The following ZC3H12D variants were observed in gnomAD, a reference collection of about 807,000 sequenced individuals.
ZC3H12D encodes probable ribonuclease ZC3H12D.
ZC3H12D carries 11 observed loss-of-function variants against 24.2 expected under a neutral mutation model. The ratio of observed to expected loss-of-function variants is 0.46; its 90% CI spans 0.29 to 0.75. The LOEUF (loss-of-function observed/expected upper bound fraction) is 0.75. ZC3H12D is among the 30% of genes least tolerant of loss of function. The probability of loss-of-function intolerance (pLI) is 0.11; values close to 1 mark genes in which losing one functional copy is unlikely to be tolerated. For missense variants in ZC3H12D, 740 were observed against 767.7 expected (o/e 0.96, Z 0.43); for synonymous variants, 333 against 341.8 (o/e 0.97, Z 0.28).
intron 1 of ZC3H12D, among the ~76,000 whole-genome samples, chr6:149,476,505 CA>C (rs11316803): frequency 0.45 from 67,117 of 148,932 alleles, 16,277 homozygotes; most frequent in African/African-American, 0.64. Flanking sequence ...CTCCATCTCT[CA>C]AAAAAAAAAA....
chr6:149,480,180 C>T (rs531620320), intron 1 of ZC3H12D, among the ~76,000 whole-genome samples: 5 of 152,332 alleles, frequency 3.3e-5, no homozygotes, highest in African/African-American at 7.2e-5. Flanking sequence ...AATGTCAACT[C>T]ATTCACAATC....
chr6:149,452,181 G>T lies in ZC3H12D; in HGVS notation c.787+435C>A, dbSNP rs1301734808. ...AGTCAGTGAAAGAGCTGGCTAGAAG[G>T]CTGGCATCCCCCAGGGTGCTGGGAT... is the stretch of plus-strand genomic sequence containing the variant. On this transcript the variant is annotated intron_variant, in intron 5 of 5. Transcript: ENST00000409806. The surrounding 1 kb of genome is among the most constrained non-coding windows in gnomAD (Gnocchi z 4.0). 1.8e-5 allele frequency: 3 copies of T among 163,738 alleles called. No homozygotes were observed. Among genetic ancestry groups the T allele is most frequent in the African/African-American group, 7.1e-5 (3 of 41,986 alleles). The allele number at this position is 163,738 out of a possible 1,614,324, so 10.1% of individuals were successfully genotyped here.
Position 149,447,376 on chromosome 6 carries a change from C to T in ZC3H12D, c.*3307G>A, listed in dbSNP as rs1315273156. 1.3e-5 allele frequency: 2 copies of T among 152,342 alleles called. No individual in the cohort carries two copies. The highest frequency in any genetic ancestry group is 6.5e-5 in the Admixed American group (1 of 15,288). 9.4% of individuals were successfully genotyped at this position (152,342 alleles called of 1,614,324 possible). On this transcript the variant is annotated 3_prime_UTR_variant, in exon 6 of 6. Coordinates refer to ENST00000409806, the MANE Select transcript of ZC3H12D (RefSeq NM_207360.3). ...AGGTGATTCTCCTGCCTCAGCCTCC[C>T]GAGCAACTGGGATTACAGGTGTGCC...
At position 149,451,294 on chromosome 6, in the gene ZC3H12D, G is replaced by A. The variant is rs1775890038; in HGVS notation, c.973C>T (p.Pro325Ser). 7.5e-7 allele frequency: 1 copy of A among 1,325,872 alleles called. No individual in the cohort carries two copies. The highest frequency in any genetic ancestry group is 4.2e-5 in the Admixed American group (1 of 23,966). 82.1% of individuals were successfully genotyped at this position (1,325,872 alleles called of 1,614,324 possible). A position where few individuals can be genotyped will look rare whatever the true frequency, so the allele number is the denominator to read the frequency against. ...SAGARAAPRE[P>S]FAHSLPPARG... ...GCCGGCGGGAGGCTGTGCGCAAATGGTTCCCGGGGGGCCGCCCGGGCTCCT... is the reference window on the plus strand; with the variant it reads ...GCCGGCGGGAGGCTGTGCGCAAATGATTCCCGGGGGGCCGCCCGGGCTCCT... Residue 325 changes from proline to serine, a missense_variant, in exon 6 of 6, where the codon CCA becomes TCA. Transcript: ENST00000409806.
intron 4 of ZC3H12D, among the ~76,000 whole-genome samples, chr6:149,455,476 G>C (rs1030197132): frequency 6.6e-6 from 1 of 152,206 alleles, no homozygotes; most frequent in Non-Finnish European, 1.5e-5. Context: ...AAATGGAAAT[G>C]GGAGCAACAG....
chr6:149,477,951 G>T (rs981714621), intron 1 of ZC3H12D, among the ~76,000 whole-genome samples: 1 of 151,850 alleles, frequency 6.6e-6, no homozygotes, highest in Non-Finnish European at 1.5e-5. Context: ...GGCGGATCAC[G>T]AGGTCAGGAG....
At chr6:149,462,210 C>T (rs1281117023) in intron 2 of ZC3H12D, among the ~76,000 whole-genome samples, 1 of 152,020 alleles carries the variant, frequency 6.6e-6, no homozygotes, top group Admixed American at 6.6e-5. Flanking sequence ...CCCATCTCTA[C>T]GAAAAATACA....
chr6:149,465,861 C>A (rs474035), intron 2 of ZC3H12D, among the ~76,000 whole-genome samples: 2,578 of 152,076 alleles, frequency 0.017, 30 homozygotes, highest in Non-Finnish European at 0.027. Context: ...CCTCACCCCA[C>A]CCCCCAATTC....
At position 149,456,888 on chromosome 6, in the gene ZC3H12D, A is replaced by G; in HGVS notation, c.458T>C (p.Leu153Pro). The G allele has an allele frequency of 6.2e-7, 1 of 1,602,062 alleles. No individual in the cohort carries two copies. Among genetic ancestry groups the G allele is most frequent in the Non-Finnish European group, 8.5e-7 (1 of 1,178,452 alleles). The change falls in exon 4 of 6, where the codon CTG becomes CCG. Residue 153 changes from leucine (L) to proline (P), a missense_variant. Coordinates refer to ENST00000409806, the MANE Select transcript of ZC3H12D (RefSeq NM_207360.3). This position sits in a 1 kb window ranked among gnomAD's most constrained non-coding sequence, Gnocchi z 4.3. ...ADTPIREQHVLAELERQAVLV... is the reference protein window; with the variant it reads ...ADTPIREQHVPAELERQAVLV... ...CACCGCCTGCCGCTCCAGCTCCGCCAGCACGTGCTGCTCTGAGGGCGGGGC... is the reference window on the plus strand; with the variant it reads ...CACCGCCTGCCGCTCCAGCTCCGCCGGCACGTGCTGCTCTGAGGGCGGGGC...
At chr6:149,477,505 A>G (rs1413364827) in intron 1 of ZC3H12D, among the ~76,000 whole-genome samples, 1 of 152,218 alleles carries the variant, frequency 6.6e-6, no homozygotes, top group Non-Finnish European at 1.5e-5. Flanking sequence ...ATTTTAAATT[A>G]AAAAATTGTG....
rs943622504 is a variant in ZC3H12D, at chr6:149,484,889, G to A, written c.-147C>T. ...GCAGCCTTCACGCCAATGTTCTCCC[G>A]TCAGTGAGGCCAGGCCCCCAGGTGC... On this transcript the variant is annotated 5_prime_UTR_variant, in exon 1 of 6. In the 5' UTR this introduces an upstream ATG that the reference lacks. Coordinates refer to ENST00000409806, the MANE Select transcript of ZC3H12D (RefSeq NM_207360.3). 2.6e-5 allele frequency: 4 copies of A among 152,258 alleles called. No homozygotes were observed. The highest frequency in any genetic ancestry group is 7.2e-5 in the African/African-American group (3 of 41,440). 9.4% of individuals were successfully genotyped at this position (152,258 alleles called of 1,614,324 possible).
At position 149,451,467 on chromosome 6, in the gene ZC3H12D, G is replaced by C; in HGVS notation, c.800C>G (p.Thr267Ser). 2.5e-6 allele frequency: 4 copies of C among 1,573,282 alleles called. No homozygotes were observed. Among genetic ancestry groups the C allele is most frequent in the Non-Finnish European group, 3.4e-6 (4 of 1,169,420 alleles). ...WQHCPYGKKC[T>S]YGIKCKFYHP... ...GTAGAACTTGCACTTGATGCCATAG[G>C]TGCATTTCTTGCCTGAAAGGGGCGG... is the stretch of plus-strand genomic sequence containing the variant. Residue 267 changes from threonine to serine, a missense_variant, in exon 6 of 6, where the codon ACC (threonine) becomes AGC (serine). Thr to Ser is a moderately conservative substitution (Grantham distance 58, BLOSUM62 1). Transcript: ENST00000409806.
intron 1 of ZC3H12D, among the ~76,000 whole-genome samples, chr6:149,479,199 A>C (rs911147881): frequency 6.6e-6 from 1 of 152,152 alleles, no homozygotes; most frequent in African/African-American, 2.4e-5. Context: ...ATCTCTACAA[A>C]AAATGTTAAA....
At position 149,456,824 on chromosome 6, in the gene ZC3H12D, G is replaced by C; in HGVS notation, c.522C>G (p.Arg174=). ...TGTAGCGGTCGTCGTAGCAGACCAG[G>C]CGCTTGCCGTGCACCTTGCGGGACG... The part of the protein sequence containing the change: ...YTPSRKVHGK[R]LVCYDDRYIV... The change falls in exon 4 of 6, where the codon CGC becomes CGG. Residue 174 remains arginine, a synonymous_variant. Coordinates refer to ENST00000409806, the MANE Select transcript of ZC3H12D (RefSeq NM_207360.3). The surrounding 1 kb of genome is among the most constrained non-coding windows in gnomAD (Gnocchi z 4.3). The C allele has an allele frequency of 5.6e-6, 9 of 1,612,410 alleles. No individual in the cohort carries two copies. Among genetic ancestry groups the C allele is most frequent in the Non-Finnish European group, 7.6e-6 (9 of 1,179,774 alleles).
intron 2 of ZC3H12D, among the ~76,000 whole-genome samples, chr6:149,471,638 A>C (rs1776244707): frequency 6.6e-6 from 1 of 152,234 alleles, no homozygotes; most frequent in African/African-American, 2.4e-5. Flanking sequence ...CACATTGTGT[A>C]TATCATTTCA....
intron 1 of ZC3H12D, among the ~76,000 whole-genome samples, chr6:149,480,229 G>T (rs1776403472): frequency 6.6e-6 from 1 of 152,210 alleles, no homozygotes; most frequent in Non-Finnish European, 1.5e-5. Flanking sequence ...ACAATGAGCT[G>T]TAAACCACGA....
At chr6:149,477,133 C>A (rs1240237299) in intron 1 of ZC3H12D, among the ~76,000 whole-genome samples, 1 of 152,260 alleles carries the variant, frequency 6.6e-6, no homozygotes, top group African/African-American at 2.4e-5. Context: ...AGTCCCTCTT[C>A]TCCTATTTGA....
intron 1 of ZC3H12D, among the ~76,000 whole-genome samples, chr6:149,475,305 A>C (rs1403493213): frequency 3.3e-5 from 5 of 152,212 alleles, no homozygotes; most frequent in African/African-American, 1.2e-4. Flanking sequence ...ACCCAGGGCC[A>C]AATGCCCCCG....
Position 149,449,468 on chromosome 6 carries a change from C to T in ZC3H12D, c.*1215G>A, listed in dbSNP as rs1421903970. The T allele has an allele frequency of 6.6e-6, 1 of 151,376 alleles. No homozygotes were observed. Among genetic ancestry groups the T allele is most frequent in the Non-Finnish European group, 1.5e-5 (1 of 68,052 alleles). 9.4% of individuals were successfully genotyped at this position (151,376 alleles called of 1,614,324 possible). On this transcript the variant is annotated 3_prime_UTR_variant, in exon 6 of 6. Transcript: ENST00000409806. ...TTTTTTTTTTTTTAAGACGGAGTCTCGCTCTGCTGCCCAGGCTGGAGTGCA... is the reference window on the plus strand; with the variant it reads ...TTTTTTTTTTTTTAAGACGGAGTCTTGCTCTGCTGCCCAGGCTGGAGTGCA...
Sources: gnomAD v4.1 joint callset for allele counts (sites outside exome capture counted in the v4.1 genomes callset) on GRCh38, gnomAD v4.1.1 for gene constraint, Gnocchi (gnomAD v3.1) non-coding constraint, MANE v1.5 for transcripts, NCBI Gene and HGNC (gene_info 2026-07-23, HGNC 2026-07-21) for gene names.